NSF: variants seen among roughly 807,000 people sequenced by gnomAD.
The protein encoded by NSF is vesicle-fusing ATPase.
Under a neutral mutation model 50.3 loss-of-function variants are expected in NSF, and 14 were observed. That is an observed-to-expected ratio of 0.28 (90% confidence interval 0.18 to 0.44). NSF has a LOEUF of 0.44. Ranked by LOEUF, NSF falls within the 20% of genes least tolerant of loss-of-function variation. NSF has a pLI of 1.00. For missense variants in NSF, 218 were observed against 504.3 expected, an observed-to-expected ratio of 0.43 and a Z score of 5.44; for synonymous variants, 109 against 175.7, an observed-to-expected ratio of 0.62 and a Z score of 3.00.
chr17:46,731,406 A>G (rs1277511431), intron 17 of NSF, among the ~76,000 whole-genome samples: 2 of 152,154 alleles, frequency 1.3e-5, no homozygotes, highest in East Asian at 1.9e-4. Flanking sequence ...GAAATGCTCT[A>G]AAATTGATTT....
At chr17:46,730,691 T>G in intron 17 of NSF, among the ~76,000 whole-genome samples, 1 of 152,186 alleles carries the variant, frequency 6.6e-6, no homozygotes, top group Middle Eastern at 3.2e-3. Flanking sequence ...TGTCTTTTCA[T>G]TTTAGTGGGC....
chr17:46,747,342 G>A (rs2059139898), intron 17 of NSF, among the ~76,000 whole-genome samples: 1 of 152,170 alleles, frequency 6.6e-6, no homozygotes, highest in Non-Finnish European at 1.5e-5. Context: ...GTGCAGTGGT[G>A]CCATCTCGGC....
chr17:46,715,892 T>C (rs903920223), intron 15 of NSF, among the ~76,000 whole-genome samples: 13 of 152,220 alleles, frequency 8.5e-5, no homozygotes, highest in African/African-American at 2.2e-4. Flanking sequence ...ATTGTTTTAA[T>C]TCATGATTCA....
intron 17 of NSF, among the ~76,000 whole-genome samples, chr17:46,731,581 G>T (rs949900083): frequency 6.6e-6 from 1 of 152,260 alleles, no homozygotes; most frequent in Middle Eastern, 3.4e-3. Flanking sequence ...GAAGTGAGGG[G>T]TGAGCATCCA....
chr17:46,741,168 C>T (rs2059067182), intron 17 of NSF, among the ~76,000 whole-genome samples: 1 of 152,106 alleles, frequency 6.6e-6, no homozygotes, highest in African/African-American at 2.4e-5. Flanking sequence ...GAGCCTCAGA[C>T]AGATCACTTT....
At position 46,711,002 on chromosome 17, in the gene NSF, A is replaced by G. The variant is rs2058714370; in HGVS notation, c.1510A>G (p.Met504Val). 1 of 1,597,602 alleles carries G rather than the reference A, an allele frequency of 6.3e-7. No individual in the cohort carries two copies. The highest frequency in any genetic ancestry group is 8.5e-7 in the Non-Finnish European group (1 of 1,175,548). The change falls in exon 14 of 21, where the codon ATG becomes GTG. Residue 504 changes from methionine to valine, a missense_variant. Transcript: ENST00000398238. ...TNQEDYASYIMNGIIKWGDPV... is the reference protein window; with the variant it reads ...TNQEDYASYIVNGIIKWGDPV... ...CCAAGAAGATTATGCAAGTTACATT[A>G]TGAACGGTATCATCAAATGGGGTGA...
chr17:46,755,260 C>A lies in NSF; in HGVS notation c.2158-54C>A, dbSNP rs1312034697. On this transcript the variant is annotated intron_variant, in intron 19 of 20. Coordinates refer to ENST00000398238, the MANE Select transcript of NSF (RefSeq NM_006178.4). The stretch of plus-strand genomic sequence containing the variant: ...ACACTGCCTTCTCATGAAGCAAGTG[C>A]AGAGTTGTTAGAAGGTACCATTAAC... The A allele has an allele frequency of 2.2e-6, 3 of 1,350,302 alleles. No individual in the cohort carries two copies. The East Asian group carries it at 6.9e-5, about 31-fold the overall frequency. 83.6% of individuals were successfully genotyped at this position (1,350,302 alleles called of 1,614,324 possible).
chr17:46,750,393 G>T (rs2059170632), intron 18 of NSF, among the ~76,000 whole-genome samples: 1 of 152,116 alleles, frequency 6.6e-6, no homozygotes, highest in Non-Finnish European at 1.5e-5. Flanking sequence ...TCAGATTTCA[G>T]ATTTTTTCAG....
chr17:46,726,424 G>A (rs2058890242), intron 15 of NSF, 125 bp from the exon 16 acceptor site: 1 of 846,784 alleles, frequency 1.2e-6, no homozygotes, highest in Non-Finnish European at 2.0e-6. Flanking sequence ...CTAATTTATT[G>A]TAGTCCAAAG....
chr17:46,605,932 C>T (rs1162666763), intron 1 of NSF, among the ~76,000 whole-genome samples: 11 of 41,556 alleles, frequency 2.6e-4, no homozygotes, highest in Non-Finnish European at 3.1e-4. Context: ...GGCGGATCAC[C>T]TGAGGTTATG....
At position 46,635,784 on chromosome 17, in the gene NSF, T is replaced by TGTGTGTGTGTGTGTG. The variant is rs1188471217; in HGVS notation, c.239-1591_239-1577dup. Among the ~76,000 whole-genome samples the TGTGTGTGTGTGTGTG allele has an allele frequency of 3.8e-5, 5 of 132,836 alleles. 1 individual carries two copies. The highest frequency in any genetic ancestry group is 1.4e-4 in the African/African-American group (5 of 34,770). The allele number at this position is 132,836 out of a possible 152,430, so 87.1% of individuals were successfully genotyped here. A position where few individuals can be genotyped will look rare whatever the true frequency, so the allele number is the denominator to read the frequency against. On this transcript the variant is annotated intron_variant, in intron 4 of 20. Coordinates refer to ENST00000398238, the MANE Select transcript of NSF (RefSeq NM_006178.4). ...AACCTAAAGGGAAAATAAATGTGTG[T>TGTGTGTGTGTGTGTG]GTGTGTGTGTGTGTGTGTGTGTGTG...
rs138128304 is a variant in NSF at position 46,719,389 on chromosome 17, A to G, written c.1761+5403A>G. Among the ~76,000 whole-genome samples, 156 of 152,316 alleles carry G rather than the reference A, an allele frequency of 1.0e-3. 2 individuals are homozygous for G. The Middle Eastern group carries it at 0.024, about 23-fold the overall frequency. On this transcript the variant is annotated intron_variant, in intron 15 of 20. Transcript: ENST00000398238. The surrounding 1 kb of genome is among the most constrained non-coding windows in gnomAD (Gnocchi z 4.3). ...GAGTACATGAGATTTTATTATAATT[A>G]TACTATTGCCTCTTTTTCACAAATG...
intron 1 of NSF, among the ~76,000 whole-genome samples, chr17:46,619,835 C>T (rs1162148461): frequency 7.9e-5 from 2 of 25,180 alleles, no homozygotes; most frequent in African/African-American, 1.7e-4. Context: ...TTAAAATCTT[C>T]GTTTAATATT....
chr17:46,730,647 A>T (rs890124492), intron 17 of NSF, among the ~76,000 whole-genome samples: 1 of 152,232 alleles, frequency 6.6e-6, no homozygotes, highest in African/African-American at 2.4e-5. Flanking sequence ...TACATGCTTC[A>T]CAAATACCTT....
chr17:46,626,072 C>G (rs2058096264), intron 2 of NSF, among the ~76,000 whole-genome samples: 1 of 143,190 alleles, frequency 7.0e-6, no homozygotes, highest in Non-Finnish European at 1.5e-5. Flanking sequence ...ATATTGATAT[C>G]TACATGAAAG....
chr17:46,735,716 A>G (rs910281541), intron 17 of NSF, among the ~76,000 whole-genome samples: 2 of 152,122 alleles, frequency 1.3e-5, no homozygotes, highest in Non-Finnish European at 2.9e-5. Context: ...AGGCTGAGAC[A>G]GGTGGATCAT....
chr17:46,679,835 A>C (rs926010470), intron 9 of NSF, among the ~76,000 whole-genome samples: 7 of 151,862 alleles, frequency 4.6e-5, no homozygotes, highest in Non-Finnish European at 2.9e-5. Flanking sequence ...TTTAGAAGGC[A>C]AGAAAGAAAT....
At chr17:46,744,866 G>A (rs1306506032) in intron 17 of NSF, among the ~76,000 whole-genome samples, 1 of 152,146 alleles carries the variant, frequency 6.6e-6, no homozygotes, top group African/African-American at 2.4e-5. Context: ...GCTGCTTATG[G>A]TACTAAGAAT....
intron 9 of NSF, among the ~76,000 whole-genome samples, chr17:46,681,559 C>G (rs1205819881): frequency 1.4e-5 from 2 of 142,434 alleles, no homozygotes; most frequent in Non-Finnish European, 3.0e-5. Context: ...AACATCTCGT[C>G]TTCAAAAAAA....
Sources: allele counts gnomAD v4.1 joint callset (sites outside exome capture counted in the v4.1 genomes callset), GRCh38; gene constraint gnomAD v4.1.1; non-coding constraint Gnocchi (gnomAD v3.1); transcripts MANE v1.5; gene names NCBI Gene and HGNC (gene_info 2026-07-23, HGNC 2026-07-21).